ACVR2B: variants seen among roughly 807,000 people sequenced by gnomAD.
ACVR2B encodes the protein activin A receptor type 2B.
A neutral mutation model predicts 65.1 loss-of-function variants in ACVR2B; 18 were observed. The observed-to-expected ratio is 0.28, with a 90% CI of 0.19 to 0.41. The LOEUF is 0.41. Among genes scored for constraint, ACVR2B ranks in the 10% least tolerant of loss-of-function variants. The pLI is 1.00. For synonymous variants in ACVR2B, 298 were observed against 277.7 expected, an observed-to-expected ratio of 1.07 and a Z score of -0.73; for missense variants, 482 against 682.7, an observed-to-expected ratio of 0.71 and a Z score of 3.28.
intron 1 of ACVR2B, among the ~76,000 whole-genome samples, chr3:38,470,239 A>G (rs1437608833): frequency 6.6e-6 from 1 of 152,236 alleles, no homozygotes; most frequent in Non-Finnish European, 1.5e-5. Flanking sequence ...GACTAAAGGC[A>G]TAGTGAACCC....
At position 38,491,218 on chromosome 3, in the gene ACVR2B, T is replaced by C. The variant is rs1046264864; in HGVS notation, c.*7886T>C. ...GAGCCTTTTTTACCAGTTCAAAAAGTTTAATTAACCAGCAGTCACCGCATC... is the reference window on the plus strand; with the variant it reads ...GAGCCTTTTTTACCAGTTCAAAAAGCTTAATTAACCAGCAGTCACCGCATC... On this transcript the variant is annotated 3_prime_UTR_variant, in exon 11 of 11. Coordinates refer to ENST00000352511, the MANE Select transcript of ACVR2B (RefSeq NM_001106.4). The C allele has an allele frequency of 6.6e-6, 1 of 152,492 alleles. No homozygotes were observed. The highest frequency in any genetic ancestry group is 2.4e-5 in the African/African-American group (1 of 41,434). 9.4% of individuals were successfully genotyped at this position (152,492 alleles called of 1,614,324 possible).
At chr3:38,470,482 C>T (rs1409134840) in intron 1 of ACVR2B, among the ~76,000 whole-genome samples, 1 of 152,068 alleles carries the variant, frequency 6.6e-6, no homozygotes, top group East Asian at 1.9e-4. Context: ...GGAAGAAAGA[C>T]AAAACATTTT....
rs1017947663 is a variant in ACVR2B, at chr3:38,477,183, C to T, written c.53-104C>T. On this transcript the variant is annotated intron_variant, in intron 1 of 10. Transcript: ENST00000352511. This position sits in a 1 kb window ranked among gnomAD's most constrained non-coding sequence, Gnocchi z 6.7. Reference sequence around the variant, plus strand: ...AGGTTGGTGACCCCAACCCACCACCCGGCCTCCCTCCCTCAGGGTGGCCTG... The same window carrying T: ...AGGTTGGTGACCCCAACCCACCACCTGGCCTCCCTCCCTCAGGGTGGCCTG... The T allele has an allele frequency of 1.1e-4, 154 of 1,383,370 alleles. No homozygotes were observed. The Middle Eastern group carries it at 2.0e-3, about 18-fold the overall frequency. 85.7% of individuals were successfully genotyped at this position (1,383,370 alleles called of 1,614,324 possible).
At chr3:38,454,475 C>A (rs551747770) in intron 1 of ACVR2B, 101 bp downstream of exon 1, 1 of 1,043,694 alleles carries the variant, frequency 9.6e-7, no homozygotes, top group South Asian at 4.7e-5. Context: ...GGGGCCTCGT[C>A]GCCGCACCAC....
Position 38,490,679 on chromosome 3 carries a change from A to G in ACVR2B, c.*7347A>G, listed in dbSNP as rs1220807656. ...GCACTTCTGTGATCCAGGTATTTTA[A>G]GAACCAGTTACCTCAGACCTCATGT... On this transcript the variant is annotated 3_prime_UTR_variant, in exon 11 of 11. Transcript: ENST00000352511. The G allele has an allele frequency of 6.6e-6, 1 of 152,634 alleles. No homozygotes were observed. Among genetic ancestry groups the G allele is most frequent in the Non-Finnish European group, 1.5e-5 (1 of 68,048 alleles). 9.5% of individuals were successfully genotyped at this position (152,634 alleles called of 1,614,324 possible). A position where few individuals can be genotyped will look rare whatever the true frequency, so the allele number is the denominator to read the frequency against.
rs1710032205 is a variant in ACVR2B at position 38,482,356 on chromosome 3, T to C, written c.1213+20T>C. Reference sequence around the variant, plus strand: ...CAGACGGTAAGTAGGATGGCAGCCCTGGGCATCCTAGATTGAGTGATAGGG... The same window carrying C: ...CAGACGGTAAGTAGGATGGCAGCCCCGGGCATCCTAGATTGAGTGATAGGG... On this transcript the variant is annotated intron_variant, in intron 9 of 10. Coordinates refer to ENST00000352511, the MANE Select transcript of ACVR2B (RefSeq NM_001106.4). 1 of 1,609,668 alleles carries C rather than the reference T, an allele frequency of 6.2e-7. No homozygotes were observed. Among genetic ancestry groups the C allele is most frequent in the Non-Finnish European group, 8.5e-7 (1 of 1,178,922 alleles).
At chr3:38,463,625 TTATGTAA>T (rs1352388479) in intron 1 of ACVR2B, among the ~76,000 whole-genome samples, 1 of 152,210 alleles carries the variant, frequency 6.6e-6, no homozygotes, top group African/African-American at 2.4e-5. Context: ...TTGGGATTCT[TTATGTAA>T]GTCCACTTGT....
rs1040434869 is a variant in ACVR2B, at chr3:38,491,580, A to C, written c.*8248A>C. 5.2e-5 allele frequency: 8 copies of C among 152,450 alleles called. No individual in the cohort carries two copies. Among genetic ancestry groups the C allele is most frequent in the African/African-American group, 1.9e-4 (8 of 41,464 alleles). The allele number at this position is 152,450 out of a possible 1,614,324, so 9.4% of individuals were successfully genotyped here. A position where few individuals can be genotyped will look rare whatever the true frequency, so the allele number is the denominator to read the frequency against. ...ATGCAGTCACCCAAATTTTACCAAC[A>C]ATGACAGAGATGAGAGTAGAAAAGA... On this transcript the variant is annotated 3_prime_UTR_variant, in exon 11 of 11. Transcript: ENST00000352511.
intron 1 of ACVR2B, among the ~76,000 whole-genome samples, chr3:38,471,035 A>G (rs1283999182): frequency 6.6e-6 from 1 of 152,174 alleles, no homozygotes; most frequent in African/African-American, 2.4e-5. Context: ...GAAGAGAGAA[A>G]GATTTTTTGT....
At position 38,488,186 on chromosome 3, in the gene ACVR2B, A is replaced by G. The variant is rs897752271; in HGVS notation, c.*4854A>G. Reference sequence around the variant, plus strand: ...CTAGTAATGATGAGTTTAAATCTCAATTGACAGTAATGTTTTAGATAAACA... The same window carrying G: ...CTAGTAATGATGAGTTTAAATCTCAGTTGACAGTAATGTTTTAGATAAACA... On this transcript the variant is annotated 3_prime_UTR_variant, in exon 11 of 11. Coordinates refer to ENST00000352511, the MANE Select transcript of ACVR2B (RefSeq NM_001106.4). The G allele has an allele frequency of 7.2e-5, 11 of 152,232 alleles. No homozygotes were observed. Among genetic ancestry groups the G allele is most frequent in the Non-Finnish European group, 8.8e-5 (6 of 68,046 alleles). The allele number at this position is 152,232 out of a possible 1,614,324, so 9.4% of individuals were successfully genotyped here. A position where few individuals can be genotyped will look rare whatever the true frequency, so the allele number is the denominator to read the frequency against.
rs1328788952 is a variant in ACVR2B, at chr3:38,490,853, T to C, written c.*7521T>C. ...TTCTGGCAAGCTCGTCATGGCATTG[T>C]GGTGGGATGGGTCTAGAGTGTCATC... On this transcript the variant is annotated 3_prime_UTR_variant, in exon 11 of 11. Coordinates refer to ENST00000352511, the MANE Select transcript of ACVR2B (RefSeq NM_001106.4). The C allele has an allele frequency of 1.3e-5, 2 of 152,654 alleles. No homozygotes were observed. Among genetic ancestry groups the C allele is most frequent in the South Asian group, 2.1e-4 (1 of 4,826 alleles). 9.5% of individuals were successfully genotyped at this position (152,654 alleles called of 1,614,324 possible).
intron 1 of ACVR2B, among the ~76,000 whole-genome samples, chr3:38,467,641 A>T (rs1241489376): frequency 6.6e-6 from 1 of 151,806 alleles, no homozygotes; most frequent in Non-Finnish European, 1.5e-5. Context: ...AGTCCGAGCT[A>T]CTTGGGAGGC....
chr3:38,477,190 C>G lies in ACVR2B; in HGVS notation c.53-97C>G. The G allele has an allele frequency of 6.8e-7, 1 of 1,463,128 alleles. No individual in the cohort carries two copies. Among genetic ancestry groups the G allele is most frequent in the Admixed American group, 1.9e-5 (1 of 52,722 alleles). 90.6% of individuals were successfully genotyped at this position (1,463,128 alleles called of 1,614,324 possible). A position where few individuals can be genotyped will look rare whatever the true frequency, so the allele number is the denominator to read the frequency against. ...TGACCCCAACCCACCACCCGGCCTC[C>G]CTCCCTCAGGGTGGCCTGGCACCCA... On this transcript the variant is annotated intron_variant, in intron 1 of 10. Coordinates refer to ENST00000352511, the MANE Select transcript of ACVR2B (RefSeq NM_001106.4). This position sits in a 1 kb window ranked among gnomAD's most constrained non-coding sequence, Gnocchi z 6.7.
At chr3:38,461,139 G>A (rs1478954125) in intron 1 of ACVR2B, among the ~76,000 whole-genome samples, 1 of 152,196 alleles carries the variant, frequency 6.6e-6, no homozygotes, top group Admixed American at 6.5e-5. Context: ...GGCGCACAGT[G>A]TTTTCAGGTA....
chr3:38,479,515 G>A (rs1374276943), intron 6 of ACVR2B, among the ~76,000 whole-genome samples, 163 bp from the exon 7 acceptor site: 1 of 152,114 alleles, frequency 6.6e-6, no homozygotes, highest in South Asian at 2.1e-4. Context: ...CCCACCCCTA[G>A]CCCTCCCTGC....
At chr3:38,455,211 C>T (rs979032410) in intron 1 of ACVR2B, among the ~76,000 whole-genome samples, 5 of 152,102 alleles carry the variant, frequency 3.3e-5, no homozygotes, top group Non-Finnish European at 5.9e-5. Flanking sequence ...CTTGTTTCTC[C>T]TACGGTCCAA....
At chr3:38,467,196 C>T (rs1709745081) in intron 1 of ACVR2B, among the ~76,000 whole-genome samples, 1 of 152,138 alleles carries the variant, frequency 6.6e-6, no homozygotes, top group Non-Finnish European at 1.5e-5. Flanking sequence ...GCCTGTAATC[C>T]AAACACTTCG....
chr3:38,469,375 A>G (rs1270038957), intron 1 of ACVR2B, among the ~76,000 whole-genome samples: 2 of 152,118 alleles, frequency 1.3e-5, no homozygotes. Flanking sequence ...ACAATAGGAG[A>G]GAAGATGTGG....
chr3:38,470,877 T>G (rs891674975), intron 1 of ACVR2B, among the ~76,000 whole-genome samples: 1 of 152,154 alleles, frequency 6.6e-6, no homozygotes, highest in African/African-American at 2.4e-5. Context: ...TAGGAAATTT[T>G]AAAAGATAAT....
Sources: allele counts gnomAD v4.1 joint callset (sites outside exome capture counted in the v4.1 genomes callset), GRCh38; gene constraint gnomAD v4.1.1; non-coding constraint Gnocchi (gnomAD v3.1); transcripts MANE v1.5; gene names NCBI Gene and HGNC (gene_info 2026-07-23, HGNC 2026-07-21).